Variants in SIPA1L1 observed in about 807,000 individuals in gnomAD.
SIPA1L1 encodes the protein signal-induced proliferation-associated 1-like protein 1.
A neutral mutation model predicts 162.7 loss-of-function variants in SIPA1L1; 26 were observed. The ratio of observed to expected loss-of-function variants is 0.16; its 90% CI spans 0.12 to 0.22. The LOEUF is 0.22. Among genes scored for constraint, SIPA1L1 ranks in the 10% least tolerant of loss-of-function variants. The pLI, the probability that SIPA1L1 is intolerant of heterozygous loss-of-function variation, is 1.00. For missense variants in SIPA1L1, 1,874 were observed against 2,241.0 expected (o/e 0.84, Z 3.31); for synonymous variants, 829 against 837.4 (o/e 0.99, Z 0.17).
chr14:71,411,033 G>A (rs1160905672), intron 2 of SIPA1L1, among the ~76,000 whole-genome samples: 1 of 152,110 alleles, frequency 6.6e-6, no homozygotes, highest in Non-Finnish European at 1.5e-5. Flanking sequence ...TTCTCAGAAT[G>A]ATCAGGGAAA....
intron 6 of SIPA1L1, among the ~76,000 whole-genome samples, chr14:71,621,060 A>G (rs2039388419): frequency 6.6e-6 from 1 of 152,142 alleles, no homozygotes; most frequent in Admixed American, 6.6e-5. Context: ...CCTGCCCCTG[A>G]GATCTGGTCT....
In SIPA1L1 at chr14:71,377,131, C is replaced by G. The variant is rs1004386582; in HGVS notation, c.-465+55950C>G. Among the ~76,000 whole-genome samples the G allele has an allele frequency of 1.4e-5, 2 of 144,602 alleles. No homozygotes were observed. The highest frequency in any genetic ancestry group is 5.1e-5 in the African/African-American group (2 of 38,940). The allele number at this position is 144,602 out of a possible 152,430, so 94.9% of individuals were successfully genotyped here. Reference sequence around the variant, plus strand: ...CGGCCGGGCAGAGGGGCCCCCCCACCCCCCAGATGGGGCGGCCAGGCAGAG... The same window carrying G: ...CGGCCGGGCAGAGGGGCCCCCCCACGCCCCAGATGGGGCGGCCAGGCAGAG... On this transcript the variant is annotated intron_variant, in intron 2 of 23. Transcript: ENST00000381232. The surrounding 1 kb of genome is among the most constrained non-coding windows in gnomAD (Gnocchi z 4.8).
intron 7 of SIPA1L1, among the ~76,000 whole-genome samples, chr14:71,635,130 T>A (rs2041005977): frequency 6.6e-6 from 1 of 151,796 alleles, no homozygotes; most frequent in African/African-American, 2.4e-5. Context: ...ATACAAAAAA[T>A]TAGCCAGGTG....
At chr14:71,364,176 CAT>C (rs2038066397) in intron 2 of SIPA1L1, among the ~76,000 whole-genome samples, 1 of 152,178 alleles carries the variant, frequency 6.6e-6, no homozygotes, top group Non-Finnish European at 1.5e-5. Flanking sequence ...TCATCACAGT[CAT>C]GTGGCTTCTG....
chr14:71,695,467 CG>C (rs554169980), intron 13 of SIPA1L1, among the ~76,000 whole-genome samples: 30 of 152,272 alleles, frequency 2.0e-4, no homozygotes, highest in African/African-American at 7.0e-4. Context: ...AACTAGCCTG[CG>C]ATATCTTAGC....
At chr14:71,460,063 T>C (rs563900372) in intron 2 of SIPA1L1, among the ~76,000 whole-genome samples, 6 of 152,328 alleles carry the variant, frequency 3.9e-5, no homozygotes, top group Non-Finnish European at 2.9e-5. Flanking sequence ...ATAAATCTTA[T>C]GTCTCATGAT....
chr14:71,494,675 C>T (rs566830183), intron 2 of SIPA1L1, among the ~76,000 whole-genome samples: 1 of 152,024 alleles, frequency 6.6e-6, no homozygotes, highest in South Asian at 2.1e-4. Flanking sequence ...TATAGGCACA[C>T]GCAACCTCAT....
chr14:71,730,037 C>T lies in SIPA1L1; in HGVS notation c.4615-18C>T, dbSNP rs1597272384. On this transcript the variant is annotated intron_variant, in intron 19 of 23. Coordinates refer to ENST00000381232, the MANE Select transcript of SIPA1L1 (RefSeq NM_001386936.1). ...AACCAGAAAATTGACTTTCTTTTGT[C>T]TTGATCCTGTTTTTCAGTTCCACGC... 1.9e-6 allele frequency: 3 copies of T among 1,609,328 alleles called. No homozygotes were observed. The highest frequency in any genetic ancestry group is 1.3e-5 in the African/African-American group (1 of 74,776).
At chr14:71,411,488 C>T (rs1203042190) in intron 2 of SIPA1L1, among the ~76,000 whole-genome samples, 1 of 152,184 alleles carries the variant, frequency 6.6e-6, no homozygotes, top group Admixed American at 6.5e-5. Context: ...CCCCAGTTGT[C>T]TTCTCTCTGT....
chr14:71,703,972 A>G (rs534496989), intron 15 of SIPA1L1, among the ~76,000 whole-genome samples: 1 of 152,112 alleles, frequency 6.6e-6, no homozygotes, highest in Non-Finnish European at 1.5e-5. Context: ...TTTAAAACCT[A>G]TTTGCTCATC....
At chr14:71,461,781 C>T (rs1206676108) in intron 2 of SIPA1L1, among the ~76,000 whole-genome samples, 3 of 152,214 alleles carry the variant, frequency 2.0e-5, no homozygotes, top group Non-Finnish European at 4.4e-5. Flanking sequence ...TCAGAGATGT[C>T]CTAGAAAAGG....
intron 4 of SIPA1L1, among the ~76,000 whole-genome samples, chr14:71,544,220 T>C (rs554362573): frequency 1.3e-5 from 2 of 151,024 alleles, no homozygotes; most frequent in Non-Finnish European, 3.0e-5. Context: ...TGCATGTGTA[T>C]ATACATATAT....
intron 2 of SIPA1L1, among the ~76,000 whole-genome samples, chr14:71,427,941 C>T (rs1051999300): frequency 4.0e-5 from 6 of 151,682 alleles, no homozygotes; most frequent in African/African-American, 1.5e-4. Flanking sequence ...CAGTATTTTC[C>T]TGTTTGTGTT....
chr14:71,542,371 C>T lies in SIPA1L1; in HGVS notation c.-303+13001C>T, dbSNP rs111323413. On this transcript the variant is annotated intron_variant, in intron 4 of 23. Transcript: ENST00000381232. ...TCTTTCCTCTTTCTTCTTCTTCCTGCTGCTGCTGCTGCTGCTTCTTCCTGC... is the reference window on the plus strand; with the variant it reads ...TCTTTCCTCTTTCTTCTTCTTCCTGTTGCTGCTGCTGCTGCTTCTTCCTGC... 5.3e-3 allele frequency among the ~76,000 whole-genome samples: 539 copies of T among 100,782 alleles called. 2 individuals carry two copies. The highest frequency in any genetic ancestry group is 8.6e-3 in the African/African-American group (230 of 26,802). The allele number at this position is 100,782 out of a possible 152,430, so 66.1% of individuals were successfully genotyped here. A position where few individuals can be genotyped will look rare whatever the true frequency, so the allele number is the denominator to read the frequency against.
intron 2 of SIPA1L1, among the ~76,000 whole-genome samples, chr14:71,446,482 G>A (rs981714292): frequency 1.3e-5 from 2 of 152,104 alleles, no homozygotes; most frequent in Non-Finnish European, 2.9e-5. Context: ...CAGGAGGATC[G>A]CTTGAGCCCA....
intron 7 of SIPA1L1, among the ~76,000 whole-genome samples, chr14:71,640,510 C>G (rs1025218802): frequency 7.2e-5 from 11 of 152,162 alleles, no homozygotes; most frequent in African/African-American, 2.7e-4. Flanking sequence ...GGAGACAGAT[C>G]AGAGCTTTCA....
chr14:71,574,677 T>A (rs973925755), intron 4 of SIPA1L1: 23 of 146,878 alleles, frequency 1.6e-4, no homozygotes, highest in African/African-American at 4.1e-4. Context: ...AGGATTTATT[T>A]TACTTTGTCA....
At chr14:71,365,907 T>TTTG (rs71105773) in intron 2 of SIPA1L1, among the ~76,000 whole-genome samples, 2 of 140,030 alleles carry the variant, frequency 1.4e-5, no homozygotes, top group Non-Finnish European at 3.1e-5. Flanking sequence ...TTTTTTTTTT[T>TTTG]AAGAGATGGG....
At chr14:71,735,173 G>T in intron 21 of SIPA1L1, 104 bp from the exon 22 acceptor site, 1 of 752,794 alleles carries the variant, frequency 1.3e-6, no homozygotes, top group Non-Finnish European at 2.4e-6. Context: ...ATCCTGCACT[G>T]GAAATACTAG....
Sources: gnomAD v4.1 joint callset for allele counts (sites outside exome capture counted in the v4.1 genomes callset) on GRCh38, gnomAD v4.1.1 for gene constraint, Gnocchi (gnomAD v3.1) non-coding constraint, MANE v1.5 for transcripts, NCBI Gene and HGNC (gene_info 2026-07-23, HGNC 2026-07-21) for gene names.